The following NOD2 variants were observed in gnomAD, a reference collection of about 807,000 sequenced individuals.
The protein encoded by NOD2 is nucleotide-binding oligomerization domain-containing protein 2.
NOD2 carries 86 observed loss-of-function variants against 90.9 expected under a neutral mutation model. That is an observed-to-expected ratio of 0.95 (90% confidence interval 0.79 to 1.13). The LOEUF (loss-of-function observed/expected upper bound fraction) is 1.13. Among genes scored for constraint, NOD2 ranks in the 50% most tolerant of loss-of-function variants. The pLI, the probability that NOD2 is intolerant of heterozygous loss-of-function variation, is 0.00. For synonymous variants in NOD2, 581 were observed against 554.6 expected (o/e 1.05, Z -0.67); for missense variants, 1,238 against 1,283.8 (o/e 0.96, Z 0.55).
chr16:50,732,306 C>CG lies in NOD2; in HGVS notation c.*488dup, dbSNP rs952971167. ...CGACTCATCCATCCAGGCCATTCCC[C>CG]GTCTCTGGTTCCTCCCCTCCTCCTG... On this transcript the variant is annotated 3_prime_UTR_variant, in exon 12 of 12. Transcript: ENST00000647318. 5.3e-6 allele frequency: 1 copy of CG among 189,598 alleles called. No individual in the cohort carries two copies. The highest frequency in any genetic ancestry group is 2.3e-5 in the African/African-American group (1 of 42,990). 11.7% of individuals were successfully genotyped at this position (189,598 alleles called of 1,614,324 possible).
chr16:50,717,030 C>A, intron 6 of NOD2, 56 bp downstream of exon 6: 1 of 1,495,134 alleles, frequency 6.7e-7, no homozygotes, highest in Non-Finnish European at 9.3e-7. Context: ...ATTCCTGAGT[C>A]AGTCTGATCT....
intron 10 of NOD2, chr16:50,727,871 G>A: frequency 2.8e-6 from 1 of 351,112 alleles, no homozygotes. Context: ...CAGACTAGCA[G>A]CAGACCACCA....
Position 50,712,254 on chromosome 16 carries a change from C to T in NOD2, c.2262C>T (p.Ala754=), listed in dbSNP as rs1458462435. The change falls in exon 4 of 12, where the codon GCC becomes GCT. Residue 754 remains alanine, a synonymous_variant. Transcript: ENST00000647318. ...GTGTGGGCCCCACTGAGTGTGCTGC[C>T]CTGGCCTTTGTGCTGCAGCACCTCC... ...FCSVGPTECA[A]LAFVLQHLRR... The T allele has an allele frequency of 1.2e-6, 2 of 1,613,952 alleles. No individual in the cohort carries two copies. Among genetic ancestry groups the T allele is most frequent in the South Asian group, 2.2e-5 (2 of 91,088 alleles).
chr16:50,721,261 T>G (rs2081552953), intron 7 of NOD2, among the ~76,000 whole-genome samples: 1 of 151,608 alleles, frequency 6.6e-6, no homozygotes, highest in South Asian at 2.1e-4. Flanking sequence ...TCAGGGGTAT[T>G]TACCTCTTTC....
chr16:50,711,001 T>G lies in NOD2; in HGVS notation c.1009T>G (p.Phe337Val). ...GCCTGATGTTGGTCAAGAAGACATC[T>G]TCCAGTTACTCCTTGACCACCCTGA... ...CWPDVGQEDI[F>V]QLLLDHPDRV... The change falls in exon 4 of 12, where the codon TTC becomes GTC. Residue 337 changes from phenylalanine (F) to valine (V), a missense_variant. This residue lies in a region of NOD2 where 567 missense variants were observed against 577.3 expected (regional missense o/e 0.98). Transcript: ENST00000647318. 6.2e-7 allele frequency: 1 copy of G among 1,614,252 alleles called. No homozygotes were observed. The highest frequency in any genetic ancestry group is 8.5e-7 in the Non-Finnish European group (1 of 1,180,038).
At position 50,711,466 on chromosome 16, in the gene NOD2, C is replaced by A; in HGVS notation, c.1474C>A (p.Gln492Lys). ...TACAGATATGTACCTGCTGATTCTGCAGCATTTTCTGCTGCATGCCACCCC... is the reference window on the plus strand; with the variant it reads ...TACAGATATGTACCTGCTGATTCTGAAGCATTTTCTGCTGCATGCCACCCC... The part of the protein sequence containing the change: ...TTTDMYLLIL[Q>K]HFLLHATPPD... The change falls in exon 4 of 12, where the codon CAG (glutamine) becomes AAG (lysine). Residue 492 changes from glutamine to lysine, a missense_variant. Gln to Lys is a moderately conservative substitution (Grantham distance 53). Transcript: ENST00000647318. The A allele has an allele frequency of 1.9e-6, 3 of 1,613,500 alleles. No individual in the cohort carries two copies. The highest frequency in any genetic ancestry group is 2.5e-6 in the Non-Finnish European group (3 of 1,179,990).
chr16:50,701,251 C>A (rs1471103770), intron 2 of NOD2, among the ~76,000 whole-genome samples: 1 of 152,176 alleles, frequency 6.6e-6, no homozygotes, highest in East Asian at 1.9e-4. Context: ...ACGGTAGGTA[C>A]TCCATAAACA....
At chr16:50,719,372 G>A (rs1178987495) in intron 6 of NOD2, among the ~76,000 whole-genome samples, 1 of 152,154 alleles carries the variant, frequency 6.6e-6, no homozygotes, top group Non-Finnish European at 1.5e-5. Flanking sequence ...CGAGGTGTCT[G>A]GATTCAGTTG....
At chr16:50,719,224 C>T (rs557350451) in intron 6 of NOD2, among the ~76,000 whole-genome samples, 7 of 152,292 alleles carry the variant, frequency 4.6e-5, no homozygotes, top group African/African-American at 1.7e-4. Context: ...ACCCCTTCTC[C>T]AAGGATACAA....
At chr16:50,723,783 T>C (rs763882929) in intron 9 of NOD2, among the ~76,000 whole-genome samples, 2 of 152,160 alleles carry the variant, frequency 1.3e-5, no homozygotes, top group Non-Finnish European at 2.9e-5. Context: ...TTAGATAAAG[T>C]AGTGCCTGTG....
intron 6 of NOD2, among the ~76,000 whole-genome samples, chr16:50,719,570 G>A (rs530786140): frequency 1.3e-5 from 2 of 152,324 alleles, no homozygotes; most frequent in East Asian, 1.9e-4. Context: ...CAGAGGGCAC[G>A]ATGGGGTCTG....
In NOD2 at chr16:50,731,814, C is replaced by A. The variant is rs757653432; in HGVS notation, c.3037C>A (p.Leu1013Ile). ...KLGCRDTRLLL is the reference protein window; with the variant it reads ...KLGCRDTRLLI ...CGGCTGCAGGGACACCAGACTCTTG[C>A]TTTGAAGTCTCCGGGAGGATGTTCG... The change falls in exon 12 of 12, where the codon CTT becomes ATT. Residue 1013 changes from leucine to isoleucine, a missense_variant. By Grantham distance (5) the Leu-to-Ile change is conservative (BLOSUM62 2). This residue lies in a region of NOD2 where 667 missense variants were observed against 688.7 expected (regional missense o/e 0.97). Coordinates refer to ENST00000647318, the MANE Select transcript of NOD2 (RefSeq NM_001370466.1). The A allele has an allele frequency of 7.4e-6, 12 of 1,612,222 alleles. No individual in the cohort carries two copies. The African/African-American group carries it at 1.6e-4, about 22-fold the overall frequency.
rs781448444 is a variant in NOD2, at chr16:50,699,790, C to T, written c.295C>T (p.His99Tyr). The T allele has an allele frequency of 5.0e-6, 8 of 1,613,806 alleles. No individual in the cohort carries two copies. Among genetic ancestry groups the T allele is most frequent in the Non-Finnish European group, 5.9e-6 (7 of 1,180,030 alleles). ...CAAGCTGCATGGCTGCTGGGACCCCCACTCGCTCCACCCAGCCCGAGACCT... is the reference window on the plus strand; with the variant it reads ...CAAGCTGCATGGCTGCTGGGACCCCTACTCGCTCCACCCAGCCCGAGACCT... ...SPKLHGCWDP[H>Y]SLHPARDLQS... Residue 99 changes from histidine (H) to tyrosine (Y), a missense_variant, in exon 2 of 12, where the codon CAC becomes TAC. His to Tyr is a moderately conservative substitution (Grantham distance 83, BLOSUM62 2). Coordinates refer to ENST00000647318, the MANE Select transcript of NOD2 (RefSeq NM_001370466.1).
At chr16:50,704,363 T>C (rs1022105549) in intron 2 of NOD2, among the ~76,000 whole-genome samples, 1 of 152,194 alleles carries the variant, frequency 6.6e-6, no homozygotes, top group African/African-American at 2.4e-5. Context: ...AGAATGAATG[T>C]ATGAAAGTTA....
intron 10 of NOD2, among the ~76,000 whole-genome samples, chr16:50,725,835 C>T (rs778431361): frequency 1.3e-5 from 2 of 152,086 alleles, no homozygotes; most frequent in Non-Finnish European, 2.9e-5. Flanking sequence ...AGCCAGTTAT[C>T]AATGAGGGAA....
At chr16:50,705,946 C>T (rs1964169075) in intron 2 of NOD2, among the ~76,000 whole-genome samples, 1 of 152,164 alleles carries the variant, frequency 6.6e-6, no homozygotes, top group Non-Finnish European at 1.5e-5. Context: ...AAGGAAATTA[C>T]AGCGTGTGCT....
At chr16:50,725,594 A>C in intron 10 of NOD2, 22 bp downstream of exon 10, 1 of 1,578,922 alleles carries the variant, frequency 6.3e-7, no homozygotes, top group Non-Finnish European at 8.7e-7. Context: ...ATAAGCAGGA[A>C]ACAGGACAAT....
chr16:50,712,541 A>G (rs1248641724), intron 4 of NOD2, 168 bp downstream of exon 4: 2 of 791,526 alleles, frequency 2.5e-6, no homozygotes. Flanking sequence ...TCAATATGTG[A>G]TGATGACAGC....
At chr16:50,717,697 A>G (rs944066862) in intron 6 of NOD2, among the ~76,000 whole-genome samples, 2 of 152,224 alleles carry the variant, frequency 1.3e-5, no homozygotes, top group Non-Finnish European at 2.9e-5. Flanking sequence ...GGCAAGGGCT[A>G]CTGAGATCAG....
Sources: gnomAD v4.1 joint callset for allele counts (sites outside exome capture counted in the v4.1 genomes callset) on GRCh38, gnomAD v4.1.1 for gene constraint, gnomAD v4.1.1 regional missense constraint, MANE v1.5 for transcripts, NCBI Gene and HGNC (gene_info 2026-07-23, HGNC 2026-07-21) for gene names.